ASCC3: variants seen among roughly 807,000 people sequenced by gnomAD.
The protein encoded by ASCC3 is ASC-1 complex subunit P200.
A neutral mutation model predicts 256.3 loss-of-function variants in ASCC3; 158 were observed. The observed-to-expected ratio is 0.62, with a 90% CI of 0.54 to 0.70. The LOEUF (loss-of-function observed/expected upper bound fraction) is 0.70, where lower values mean the gene tolerates loss of function less well. Ranked by LOEUF, ASCC3 falls within the 30% of genes least tolerant of loss-of-function variation. The probability of loss-of-function intolerance (pLI) is 0.00; values close to 1 mark genes in which losing one functional copy is unlikely to be tolerated. For synonymous variants in ASCC3, 948 were observed against 883.4 expected (o/e 1.07, Z -1.30); for missense variants, 2,259 against 2,626.0 (o/e 0.86, Z 3.05).
At chr6:100,736,027 C>A (rs73760712) in intron 10 of ASCC3, among the ~76,000 whole-genome samples, 2,252 of 152,232 alleles carry the variant, frequency 0.015, 57 homozygotes, top group African/African-American at 0.052. Flanking sequence ...AAGGGAGGAA[C>A]AGTAACTCTC....
intron 10 of ASCC3, among the ~76,000 whole-genome samples, chr6:100,765,002 T>C (rs904596740): frequency 6.6e-6 from 1 of 152,102 alleles, no homozygotes; most frequent in Non-Finnish European, 1.5e-5. Context: ...GGGGAAAAGA[T>C]AAGCGGGCGA....
At chr6:100,647,858 T>C (rs1177917088) in intron 20 of ASCC3, among the ~76,000 whole-genome samples, 1 of 151,896 alleles carries the variant, frequency 6.6e-6, no homozygotes, top group Non-Finnish European at 1.5e-5. Flanking sequence ...TAAGGAAGAC[T>C]GGGATCCTGA....
Position 100,544,808 on chromosome 6 carries a change from T to G in ASCC3, c.5551-4421A>C, listed in dbSNP as rs182078552. 3.9e-5 allele frequency among the ~76,000 whole-genome samples: 6 copies of G among 152,264 alleles called. No individual in the cohort carries two copies. In the East Asian group the frequency reaches 1.2e-3, roughly 29 times the overall value. On this transcript the variant is annotated intron_variant, in intron 36 of 41. Transcript: ENST00000369162. ...CAAAGAGACAGAAATATTTCCCAACTAATTTGATGGCACCAGTTCTGTCCT... is the reference window on the plus strand; with the variant it reads ...CAAAGAGACAGAAATATTTCCCAACGAATTTGATGGCACCAGTTCTGTCCT...
intron 37 of ASCC3, chr6:100,530,827 T>C (rs1222200259): frequency 9.0e-6 from 11 of 1,227,314 alleles, no homozygotes; most frequent in Admixed American, 1.7e-5. Flanking sequence ...TACTGGAACT[T>C]AGTGCTTAAT....
intron 24 of ASCC3, among the ~76,000 whole-genome samples, chr6:100,640,404 G>A (rs1421542123): frequency 6.6e-6 from 1 of 152,102 alleles, no homozygotes; most frequent in Non-Finnish European, 1.5e-5. Flanking sequence ...AATATCAACT[G>A]AGATGTTATG....
At chr6:100,725,057 A>AAGTT (rs1354445422) in intron 11 of ASCC3, among the ~76,000 whole-genome samples, 4 of 152,044 alleles carry the variant, frequency 2.6e-5, no homozygotes, top group African/African-American at 9.7e-5. Context: ...AAGTAAGTTA[A>AAGTT]AGTTATTAAG....
At chr6:100,811,945 A>G (rs769334683) in intron 4 of ASCC3, among the ~76,000 whole-genome samples, 4 of 152,298 alleles carry the variant, frequency 2.6e-5, no homozygotes, top group Non-Finnish European at 2.9e-5. Context: ...AAAATGTTGC[A>G]AACGAGACAG....
chr6:100,870,876 T>C (rs1404118747), intron 1 of ASCC3, among the ~76,000 whole-genome samples: 1 of 152,098 alleles, frequency 6.6e-6, no homozygotes, highest in Non-Finnish European at 1.5e-5. Flanking sequence ...GCAGAGATTC[T>C]CAAACTTTAT....
At chr6:100,618,456 G>C (rs902126893) in intron 30 of ASCC3, among the ~76,000 whole-genome samples, 4 of 152,180 alleles carry the variant, frequency 2.6e-5, no homozygotes, top group African/African-American at 9.7e-5. Context: ...CAATATGCTG[G>C]TAATGATCAA....
intron 36 of ASCC3, among the ~76,000 whole-genome samples, chr6:100,580,851 C>T (rs186674106): frequency 6.9e-4 from 104 of 150,380 alleles, no homozygotes; most frequent in Non-Finnish European, 7.7e-4. Context: ...TTTGGTCTTG[C>T]GATAGTTTAC....
At chr6:100,566,360 A>G (rs1324936451) in intron 36 of ASCC3, among the ~76,000 whole-genome samples, 3 of 152,158 alleles carry the variant, frequency 2.0e-5, no homozygotes. Flanking sequence ...GGTCATGCTG[A>G]GATTCGAACC....
Position 100,661,816 on chromosome 6 carries a change from A to G in ASCC3, c.2693T>C (p.Leu898Pro), listed in dbSNP as rs1188382891. 6.2e-7 allele frequency: 1 copy of G among 1,612,906 alleles called. No individual in the cohort carries two copies. Among genetic ancestry groups the G allele is most frequent in the Non-Finnish European group, 8.5e-7 (1 of 1,179,210 alleles). ...SQFLESLADN[L>P]NAEIALGTVT... ...CTCATTAGATCTTACCTCTGCATTT[A>G]GGTTATCTGCAAGGCTTTCCAGAAA... Residue 898 changes from leucine (L) to proline (P), a missense_variant, in exon 16 of 42, where the codon CTA becomes CCA. Physicochemically the swap from Leu to Pro is moderately conservative, Grantham distance 98. Transcript: ENST00000369162.
chr6:100,833,923 C>T (rs1771750513), intron 4 of ASCC3, among the ~76,000 whole-genome samples: 1 of 151,982 alleles, frequency 6.6e-6, no homozygotes, highest in Admixed American at 6.6e-5. Context: ...ACTAAAAATA[C>T]AAAAATTAGC....
intron 3 of ASCC3, chr6:100,859,130 T>C (rs759753549): frequency 1.9e-5 from 15 of 779,952 alleles, no homozygotes; most frequent in Middle Eastern, 4.5e-4. Flanking sequence ...TCTGAATCTG[T>C]CAGAAGCTCT....
At chr6:100,790,445 C>T (rs1204928128) in intron 8 of ASCC3, among the ~76,000 whole-genome samples, 1 of 151,832 alleles carries the variant, frequency 6.6e-6, no homozygotes, top group Non-Finnish European at 1.5e-5. Context: ...TTACTGATGA[C>T]CAATAACCAA....
intron 30 of ASCC3, among the ~76,000 whole-genome samples, chr6:100,623,707 GA>G (rs1774081794): frequency 6.6e-6 from 1 of 151,960 alleles, no homozygotes; most frequent in African/African-American, 2.4e-5. Context: ...CTCAATTTAG[GA>G]AAATATTTTT....
At chr6:100,792,781 GT>G (rs1365603221) in intron 8 of ASCC3, among the ~76,000 whole-genome samples, 1 of 151,878 alleles carries the variant, frequency 6.6e-6, no homozygotes, top group Non-Finnish European at 1.5e-5. Context: ...GAGAAAAACT[GT>G]TTTTAAAATT....
intron 11 of ASCC3, among the ~76,000 whole-genome samples, chr6:100,719,790 A>G (rs1779239942): frequency 6.6e-6 from 1 of 152,026 alleles, no homozygotes; most frequent in African/African-American, 2.4e-5. Context: ...ATTAGACAGT[A>G]TATTTCTATG....
intron 10 of ASCC3, among the ~76,000 whole-genome samples, chr6:100,751,451 C>A (rs1011900294): frequency 1.3e-5 from 2 of 151,878 alleles, no homozygotes; most frequent in African/African-American, 2.4e-5. Flanking sequence ...CCTACCACAG[C>A]TTACAAAAGT....
Sources: gnomAD v4.1 joint callset for allele counts (sites outside exome capture counted in the v4.1 genomes callset) on GRCh38, gnomAD v4.1.1 for gene constraint, MANE v1.5 for transcripts, NCBI Gene and HGNC (gene_info 2026-07-23, HGNC 2026-07-21) for gene names.